Variants in INSR observed in about 807,000 individuals in gnomAD.
The protein encoded by INSR is insulin receptor, also known as IR.
A neutral mutation model predicts 142.6 loss-of-function variants in INSR; 67 were observed. The ratio of observed to expected loss-of-function variants is 0.47; its 90% CI spans 0.39 to 0.58. The LOEUF is 0.58. Ranked by LOEUF, INSR falls within the 20% of genes least tolerant of loss-of-function variation. INSR has a pLI of 0.00. For synonymous variants in INSR, 756 were observed against 743.1 expected (o/e 1.02, Z -0.28); for missense variants, 1,248 against 1,833.2 (o/e 0.68, Z 5.83).
At chr19:7,153,536 G>A (rs1188582901) in intron 9 of INSR, among the ~76,000 whole-genome samples, 1 of 118,784 alleles carries the variant, frequency 8.4e-6, no homozygotes, top group African/African-American at 2.9e-5. Context: ...GCTGAGCTGA[G>A]ACAGAGCCTA....
chr19:7,192,920 C>T lies in INSR; in HGVS notation c.653-8283G>A, dbSNP rs189290095. ...AGGGACTAAAATCTAACTAAGTTGACGGAGGAGAAAGGAGACCGCTGTGTC... is the reference window on the plus strand; with the variant it reads ...AGGGACTAAAATCTAACTAAGTTGATGGAGGAGAAAGGAGACCGCTGTGTC... On this transcript the variant is annotated intron_variant, in intron 2 of 21. Transcript: ENST00000302850. This position sits in a 1 kb window ranked among gnomAD's most constrained non-coding sequence, Gnocchi z 4.2. Among the ~76,000 whole-genome samples the T allele has an allele frequency of 1.3e-4, 20 of 152,144 alleles. No homozygotes were observed. Among genetic ancestry groups the T allele is most frequent in the Admixed American group, 9.2e-4 (14 of 15,254 alleles).
chr19:7,245,866 T>C (rs1976524955), intron 2 of INSR, among the ~76,000 whole-genome samples: 2 of 152,176 alleles, frequency 1.3e-5, no homozygotes, highest in Admixed American at 6.5e-5. Context: ...TGAAATAGAA[T>C]TGATATCCCA....
chr19:7,153,988 C>T (rs894267852), intron 9 of INSR, among the ~76,000 whole-genome samples: 4 of 152,030 alleles, frequency 2.6e-5, no homozygotes, highest in African/African-American at 9.7e-5. Flanking sequence ...TGGTGAAACC[C>T]CGTCTTTACT....
intron 2 of INSR, among the ~76,000 whole-genome samples, chr19:7,196,465 C>T (rs1974750281): frequency 6.6e-6 from 1 of 152,104 alleles, no homozygotes; most frequent in South Asian, 2.1e-4. Flanking sequence ...AAAAAGCGAC[C>T]AATTTGTCCA....
chr19:7,205,758 T>C (rs1283928030), intron 2 of INSR, among the ~76,000 whole-genome samples: 3 of 152,084 alleles, frequency 2.0e-5, no homozygotes, highest in Non-Finnish European at 4.4e-5. Flanking sequence ...GGCATTGTGG[T>C]GCACACCTGT....
chr19:7,266,375 G>A (rs1226618429), intron 2 of INSR, among the ~76,000 whole-genome samples: 2 of 144,704 alleles, frequency 1.4e-5, no homozygotes, highest in Non-Finnish European at 3.0e-5. Context: ...GTGAAAACTA[G>A]AAATTATCTT....
At chr19:7,269,038 CCACACA>C (rs141333611) in intron 1 of INSR, among the ~76,000 whole-genome samples, 5 of 146,852 alleles carry the variant, frequency 3.4e-5, no homozygotes, top group Non-Finnish European at 6.0e-5. Context: ...ACCCACACAC[CCACACA>C]CACACACACA....
chr19:7,250,390 AGAAGGAAGGGAGG>A (rs1457219148), intron 2 of INSR, among the ~76,000 whole-genome samples: 10 of 97,836 alleles, frequency 1.0e-4, no homozygotes, highest in African/African-American at 4.3e-4. Context: ...AGGAAGGGAG[AGAAGGAAGGGAGG>A]TAAGAAATAA....
At chr19:7,242,708 G>A (rs374765238) in intron 2 of INSR, among the ~76,000 whole-genome samples, 13 of 124,836 alleles carry the variant, frequency 1.0e-4, no homozygotes, top group African/African-American at 4.2e-4. Flanking sequence ...CTGCTCTCCA[G>A]CCTGGGTGAC....
At chr19:7,274,036 T>A (rs1043034466) in intron 1 of INSR, among the ~76,000 whole-genome samples, 1 of 148,100 alleles carries the variant, frequency 6.8e-6, no homozygotes, top group Non-Finnish European at 1.5e-5. Flanking sequence ...TAATCAATCC[T>A]AAAAAAAAAA....
At position 7,115,986 on chromosome 19, in the gene INSR, C is replaced by T. The variant is rs528365698; in HGVS notation, c.*1070G>A. On this transcript the variant is annotated 3_prime_UTR_variant, in exon 22 of 22. Transcript: ENST00000302850. ...AACTCATGTCCCCACTCCCCGCCAA[C>T]CCCGGGGAATAGTCAATAACTTATG... 7.2e-5 allele frequency: 11 copies of T among 152,270 alleles called. No homozygotes were observed. The South Asian group carries it at 2.3e-3, about 32-fold the overall frequency. The allele number at this position is 152,270 out of a possible 1,614,324, so 9.4% of individuals were successfully genotyped here.
chr19:7,124,541 GAAAAAAAAAAAAAAAAAAAAA>G lies in INSR; in HGVS notation c.3258+721_3258+741del, dbSNP rs531613079. Among the ~76,000 whole-genome samples, 24 of 9,918 alleles carry G rather than the reference GAAAAAAAAAAAAAAAAAAAAA, an allele frequency of 2.4e-3. 3 individuals carry two copies. Among genetic ancestry groups the G allele is most frequent in the East Asian group, 4.5e-3 (1 of 222 alleles). 6.5% of individuals were successfully genotyped at this position (9,918 alleles called of 152,430 possible). A position where few individuals can be genotyped will look rare whatever the true frequency, so the allele number is the denominator to read the frequency against. On this transcript the variant is annotated intron_variant, in intron 17 of 21. Coordinates refer to ENST00000302850, the MANE Select transcript of INSR (RefSeq NM_000208.4). ...ACAACAAAGCGAGACTCCGTTTCAG[GAAAAAAAAAAAAAAAAAAAAA>G]AAAAAAAAAAAAAAAAAAAAAAAAA...
intron 13 of INSR, among the ~76,000 whole-genome samples, chr19:7,135,234 G>A (rs1241485885): frequency 6.7e-6 from 1 of 149,542 alleles, no homozygotes; most frequent in East Asian, 1.9e-4. Context: ...TCACCGAGTA[G>A]AGAGGGACAA....
intron 17 of INSR, among the ~76,000 whole-genome samples, chr19:7,124,320 G>T (rs1166680114): frequency 6.9e-6 from 1 of 144,348 alleles, no homozygotes; most frequent in African/African-American, 2.6e-5. Context: ...AGTGAGCTGA[G>T]ATCATGCCAC....
chr19:7,292,151 TGC>T (rs375415544), intron 1 of INSR, among the ~76,000 whole-genome samples: 206 of 146,918 alleles, frequency 1.4e-3, no homozygotes, highest in African/African-American at 4.8e-3. Context: ...AGTGCAGTGG[TGC>T]CATCTGAGCT....
rs1975425780 is a variant in INSR at position 7,216,110 on chromosome 19, G to T, written c.653-31473C>A. Among the ~76,000 whole-genome samples the T allele has an allele frequency of 6.6e-6, 1 of 151,918 alleles. No homozygotes were observed. Among genetic ancestry groups the T allele is most frequent in the Admixed American group, 6.6e-5 (1 of 15,250 alleles). On this transcript the variant is annotated intron_variant, in intron 2 of 21. Coordinates refer to ENST00000302850, the MANE Select transcript of INSR (RefSeq NM_000208.4). This position sits in a 1 kb window ranked among gnomAD's most constrained non-coding sequence, Gnocchi z 4.2. ...GGCCAAGGTGAGTGGACCACCTGAG[G>T]TCAGGAGTTCTAGATCAGCCTGACC... is the stretch of plus-strand genomic sequence containing the variant.
intron 2 of INSR, among the ~76,000 whole-genome samples, chr19:7,248,675 C>T (rs963803469): frequency 6.6e-5 from 10 of 151,606 alleles, no homozygotes; most frequent in African/African-American, 2.2e-4. Flanking sequence ...AGACAACCCA[C>T]GCCATTCGAC....
chr19:7,248,343 A>G (rs1430479254), intron 2 of INSR, among the ~76,000 whole-genome samples: 1 of 120,658 alleles, frequency 8.3e-6, no homozygotes, highest in Non-Finnish European at 1.5e-5. Context: ...AAAATTAGTC[A>G]GGCACGGTGG....
At chr19:7,231,775 C>CTTT (rs11453584) in intron 2 of INSR, among the ~76,000 whole-genome samples, 1 of 145,278 alleles carries the variant, frequency 6.9e-6, no homozygotes, top group Non-Finnish European at 1.5e-5. Context: ...TTTTCTGTCT[C>CTTT]TTTTTTTTTT....
Sources: allele counts gnomAD v4.1 joint callset (sites outside exome capture counted in the v4.1 genomes callset), GRCh38; gene constraint gnomAD v4.1.1; non-coding constraint Gnocchi (gnomAD v3.1); transcripts MANE v1.5; gene names NCBI Gene and HGNC (gene_info 2026-07-23, HGNC 2026-07-21).